NELL1: variants seen among roughly 807,000 people sequenced by gnomAD.
NELL1 encodes protein kinase C-binding protein NELL1.
Under a neutral mutation model 107.4 loss-of-function variants are expected in NELL1, and 76 were observed. The observed-to-expected ratio is 0.71, with a 90% confidence interval of 0.59 to 0.86. The LOEUF (loss-of-function observed/expected upper bound fraction) is 0.86, where lower values mean the gene tolerates loss of function less well. Among genes scored for constraint, NELL1 ranks in the 40% least tolerant of loss-of-function variants. NELL1 has a pLI of 0.00. For synonymous variants in NELL1, 353 were observed against 341.2 expected (o/e 1.03, Z -0.38); for missense variants, 1,024 against 1,005.5 (o/e 1.02, Z -0.25).
intron 7 of NELL1, among the ~76,000 whole-genome samples, chr11:20,923,174 G>A (rs936731934): frequency 1.2e-4 from 19 of 152,228 alleles, no homozygotes; most frequent in South Asian, 4.1e-4. Flanking sequence ...AAGAAGCTCC[G>A]TGTATAAGCT....
At chr11:21,537,468 T>C (rs2133974380) in intron 16 of NELL1, among the ~76,000 whole-genome samples, 1 of 152,296 alleles carries the variant, frequency 6.6e-6, no homozygotes, top group South Asian at 2.1e-4. Flanking sequence ...AACACCTCTC[T>C]TGTTGTATGG....
intron 13 of NELL1, among the ~76,000 whole-genome samples, chr11:21,131,699 T>G (rs1487601328): frequency 6.6e-6 from 1 of 152,216 alleles, no homozygotes; most frequent in Non-Finnish European, 1.5e-5. Context: ...TTTTGTTTGA[T>G]TCATAAAACT....
chr11:21,184,594 T>C (rs553293794), intron 13 of NELL1, among the ~76,000 whole-genome samples: 10 of 151,984 alleles, frequency 6.6e-5, no homozygotes, highest in African/African-American at 2.2e-4. Flanking sequence ...GTGTTTCAAA[T>C]GTGTCAGTCG....
chr11:20,794,692 TG>T (rs201712519), intron 3 of NELL1, among the ~76,000 whole-genome samples: 2,555 of 152,286 alleles, frequency 0.017, 28 homozygotes, highest in Admixed American at 0.025. Context: ...CTGATGATAC[TG>T]ATAATGACGA....
chr11:21,445,041 A>G (rs1421914297), intron 15 of NELL1, among the ~76,000 whole-genome samples: 1 of 152,220 alleles, frequency 6.6e-6, no homozygotes, highest in African/African-American at 2.4e-5. Context: ...GAAACAAGCA[A>G]AAATAAAACT....
chr11:20,708,018 TG>T (rs1164031916), intron 2 of NELL1, among the ~76,000 whole-genome samples: 1 of 152,244 alleles, frequency 6.6e-6, no homozygotes, highest in Non-Finnish European at 1.5e-5. Context: ...CCGGCTGCTT[TG>T]TTTACCTACT....
intron 14 of NELL1, among the ~76,000 whole-genome samples, chr11:21,364,370 C>T (rs1046550586): frequency 7.6e-6 from 1 of 132,214 alleles, no homozygotes; most frequent in African/African-American, 3.0e-5. Flanking sequence ...GAGATCACAC[C>T]ATGGCATTCC....
At chr11:21,297,528 T>C (rs1430697839) in intron 14 of NELL1, among the ~76,000 whole-genome samples, 1 of 152,040 alleles carries the variant, frequency 6.6e-6, no homozygotes, top group Non-Finnish European at 1.5e-5. Context: ...TAAGTTATTT[T>C]GATCTGTTTT....
At chr11:21,273,658 G>A (rs11500075) in intron 14 of NELL1, among the ~76,000 whole-genome samples, 9,770 of 152,252 alleles carry the variant, frequency 0.064, 439 homozygotes, top group East Asian at 0.15. Context: ...AGAGAGAAAG[G>A]TCGGGTTACC....
intron 16 of NELL1, among the ~76,000 whole-genome samples, chr11:21,539,277 C>T (rs1390534207): frequency 1.3e-5 from 2 of 151,994 alleles, no homozygotes; most frequent in East Asian, 1.9e-4. Context: ...GGGATGGGTG[C>T]CTGAAACTCC....
chr11:21,341,398 A>G (rs1443071478), intron 14 of NELL1, among the ~76,000 whole-genome samples: 1 of 152,208 alleles, frequency 6.6e-6, no homozygotes, highest in Non-Finnish European at 1.5e-5. Context: ...TATTCTGTAC[A>G]TATTTTTTAA....
At chr11:21,043,189 CA>C (rs1426206537) in intron 12 of NELL1, among the ~76,000 whole-genome samples, 4 of 152,126 alleles carry the variant, frequency 2.6e-5, no homozygotes, top group Admixed American at 6.6e-5. Context: ...ATTCATTCAC[CA>C]ACTTTAAAAG....
chr11:20,797,118 G>A (rs563440332), intron 3 of NELL1, among the ~76,000 whole-genome samples: 3 of 152,296 alleles, frequency 2.0e-5, no homozygotes, highest in African/African-American at 4.8e-5. Context: ...TAAGCAATGC[G>A]TAATGGTTTA....
chr11:20,915,488 A>G (rs1262401080), intron 5 of NELL1, among the ~76,000 whole-genome samples: 6 of 149,744 alleles, frequency 4.0e-5, no homozygotes, highest in Non-Finnish European at 7.4e-5. Context: ...CAAAATGAAT[A>G]ATATGAAATA....
At chr11:20,928,565 T>C (rs1363166593) in intron 9 of NELL1, 86 bp downstream of exon 9, 5 of 1,014,876 alleles carry the variant, frequency 4.9e-6, no homozygotes, top group Non-Finnish European at 7.6e-6. Flanking sequence ...CTCAACTGAT[T>C]GACATTGATG....
intron 15 of NELL1, among the ~76,000 whole-genome samples, chr11:21,524,883 CAGTG>C (rs1388421187): frequency 2.6e-5 from 4 of 152,030 alleles, no homozygotes; most frequent in African/African-American, 9.7e-5. Context: ...TGAGGAATGA[CAGTG>C]AGGAAGGAGT....
chr11:21,375,005 T>G (rs1346209825), intron 15 of NELL1, among the ~76,000 whole-genome samples: 2 of 151,998 alleles, frequency 1.3e-5, no homozygotes, highest in Non-Finnish European at 2.9e-5. Flanking sequence ...CAGGAGTTTA[T>G]GGATGTGAAT....
intron 15 of NELL1, among the ~76,000 whole-genome samples, chr11:21,490,900 A>T (rs956087498): frequency 2.6e-5 from 4 of 152,156 alleles, no homozygotes; most frequent in African/African-American, 7.2e-5. Context: ...AAAAGATTTC[A>T]TGGCTAAGAC....
At chr11:20,960,965 C>G (rs547259807) in intron 12 of NELL1, among the ~76,000 whole-genome samples, 6 of 152,304 alleles carry the variant, frequency 3.9e-5, no homozygotes, top group African/African-American at 1.4e-4. Flanking sequence ...TTAACTCATA[C>G]TAGGCTGCTG....
Sources: gnomAD v4.1 joint callset for allele counts (sites outside exome capture counted in the v4.1 genomes callset) on GRCh38, gnomAD v4.1.1 for gene constraint, MANE v1.5 for transcripts, NCBI Gene and HGNC (gene_info 2026-07-23, HGNC 2026-07-21) for gene names.